KLHL1: variants seen among roughly 807,000 people sequenced by gnomAD.
KLHL1 encodes the protein kelch like family member 1.
A neutral mutation model predicts 77.7 loss-of-function variants in KLHL1; 47 were observed. The ratio of observed to expected loss-of-function variants is 0.60; its 90% CI spans 0.48 to 0.77. The LOEUF is 0.77. Among genes scored for constraint, KLHL1 ranks in the 30% least tolerant of loss-of-function variants. The pLI is 0.00. For missense variants in KLHL1, 925 were observed against 910.8 expected (o/e 1.02, Z -0.20); for synonymous variants, 360 against 325.2 (o/e 1.11, Z -1.15).
At chr13:70,063,832 G>T (rs1029370511) in intron 1 of KLHL1, among the ~76,000 whole-genome samples, 2 of 152,098 alleles carry the variant, frequency 1.3e-5, no homozygotes, top group Admixed American at 1.3e-4. Context: ...TGCTGCTTTG[G>T]AAAATAATTT....
chr13:69,974,413 A>T (rs1481039613), intron 2 of KLHL1, among the ~76,000 whole-genome samples: 1 of 151,658 alleles, frequency 6.6e-6, no homozygotes. Flanking sequence ...AATTTAGAAA[A>T]TAACTAATGT....
At chr13:69,875,924 T>A (rs978589712) in intron 5 of KLHL1, among the ~76,000 whole-genome samples, 2 of 152,092 alleles carry the variant, frequency 1.3e-5, no homozygotes, top group Non-Finnish European at 2.9e-5. Context: ...CCTGGTATAA[T>A]CATTAACTAA....
intron 1 of KLHL1, among the ~76,000 whole-genome samples, chr13:70,008,932 C>T (rs1885468037): frequency 6.6e-6 from 1 of 152,054 alleles, no homozygotes; most frequent in Non-Finnish European, 1.5e-5. Flanking sequence ...CAATACAATG[C>T]ACTTCTCTCT....
intron 1 of KLHL1, among the ~76,000 whole-genome samples, chr13:70,058,130 T>C (rs1372417057): frequency 1.3e-5 from 2 of 152,154 alleles, no homozygotes; most frequent in African/African-American, 2.4e-5. Flanking sequence ...ACAGGTAGTA[T>C]CATACTGAAT....
intron 1 of KLHL1, among the ~76,000 whole-genome samples, chr13:70,095,704 T>C (rs1203364969): frequency 2.0e-5 from 3 of 152,152 alleles, no homozygotes; most frequent in African/African-American, 7.2e-5. Context: ...TCCACTCTTT[T>C]AGTTATTTTG....
At chr13:69,930,085 C>T (rs183088592) in intron 4 of KLHL1, among the ~76,000 whole-genome samples, 2 of 151,800 alleles carry the variant, frequency 1.3e-5, no homozygotes, top group Admixed American at 1.3e-4. Context: ...ATCTCTTTTG[C>T]CTAGGTTTCC....
intron 1 of KLHL1, among the ~76,000 whole-genome samples, chr13:70,064,772 A>G (rs987575449): frequency 2.6e-5 from 4 of 152,192 alleles, no homozygotes; most frequent in African/African-American, 9.6e-5. Flanking sequence ...GCGATCCACG[A>G]CTAAGGACTA....
intron 3 of KLHL1, among the ~76,000 whole-genome samples, chr13:69,960,898 C>T (rs1884042179): frequency 6.6e-6 from 1 of 151,892 alleles, no homozygotes; most frequent in Non-Finnish European, 1.5e-5. Flanking sequence ...TTAACTATTC[C>T]GTGAAAATTT....
intron 7 of KLHL1, among the ~76,000 whole-genome samples, chr13:69,744,290 G>T (rs573790896): frequency 3.3e-5 from 5 of 152,064 alleles, no homozygotes; most frequent in Non-Finnish European, 7.4e-5. Flanking sequence ...AAGTTTCCAG[G>T]AGGATGGGCT....
intron 3 of KLHL1, among the ~76,000 whole-genome samples, chr13:69,952,169 C>T (rs1481390732): frequency 6.6e-6 from 1 of 151,386 alleles, no homozygotes; most frequent in African/African-American, 2.4e-5. Context: ...TGTCCTATTA[C>T]ATCGTTTTTG....
chr13:69,882,517 G>C, intron 4 of KLHL1, 22 bp from the exon 5 acceptor site: 1 of 1,542,750 alleles, frequency 6.5e-7, no homozygotes, highest in South Asian at 1.1e-5. Context: ...AAATATCTTG[G>C]CATAAATTCT....
In KLHL1 at chr13:69,962,382, G is replaced by A. The variant is rs758466128; in HGVS notation, c.681-938C>T. Reference sequence around the variant, plus strand: ...TGCTATTTCTTTTTACATTTAGGTAGATGACTACATCATCTGCAAGTTATA... The same window carrying A: ...TGCTATTTCTTTTTACATTTAGGTAAATGACTACATCATCTGCAAGTTATA... On this transcript the variant is annotated intron_variant, in intron 2 of 10. Transcript: ENST00000377844. Among the ~76,000 whole-genome samples, 90 of 151,988 alleles carry A rather than the reference G, an allele frequency of 5.9e-4. 2 individuals carry two copies. Among genetic ancestry groups the A allele is most frequent in the Non-Finnish European group, 6.9e-4 (47 of 67,964 alleles).
chr13:69,820,077 T>C (rs1878273224), intron 6 of KLHL1, among the ~76,000 whole-genome samples: 1 of 152,210 alleles, frequency 6.6e-6, no homozygotes, highest in African/African-American at 2.4e-5. Context: ...TGCTCCTTCA[T>C]GGGCTTGTAT....
At chr13:70,027,387 T>TG (rs1234118575) in intron 1 of KLHL1, among the ~76,000 whole-genome samples, 2 of 45,380 alleles carry the variant, frequency 4.4e-5, no homozygotes, top group Non-Finnish European at 1.4e-4. Context: ...AAGTGAATGT[T>TG]GTTTTTTTCC....
At chr13:69,885,322 G>A (rs1462701255) in intron 4 of KLHL1, among the ~76,000 whole-genome samples, 1 of 152,002 alleles carries the variant, frequency 6.6e-6, no homozygotes, top group East Asian at 1.9e-4. Context: ...AAATCTTTTG[G>A]TAACCAGCGG....
chr13:69,954,971 T>C (rs181117161), intron 3 of KLHL1, among the ~76,000 whole-genome samples: 1 of 151,224 alleles, frequency 6.6e-6, no homozygotes, highest in East Asian at 1.9e-4. Context: ...AAACACCCTC[T>C]GAAAATTGCT....
chr13:70,069,996 G>A (rs113575596), intron 1 of KLHL1, among the ~76,000 whole-genome samples: 11,114 of 151,730 alleles, frequency 0.073, 549 homozygotes, highest in Admixed American at 0.11. Context: ...GTGAAACCCC[G>A]TCTCCACTAA....
At chr13:69,733,331 T>C (rs973684633) in intron 8 of KLHL1, among the ~76,000 whole-genome samples, 2 of 152,102 alleles carry the variant, frequency 1.3e-5, no homozygotes, top group African/African-American at 4.8e-5. Flanking sequence ...AAGGCAGAGA[T>C]ATTAAATTAC....
intron 6 of KLHL1, among the ~76,000 whole-genome samples, chr13:69,798,468 A>G (rs1877227018): frequency 2.6e-5 from 4 of 152,178 alleles, no homozygotes. Context: ...TATTGCTAAA[A>G]TTATAGGTTC....
Sources: allele counts gnomAD v4.1 joint callset (sites outside exome capture counted in the v4.1 genomes callset), GRCh38; gene constraint gnomAD v4.1.1; transcripts MANE v1.5; gene names NCBI Gene and HGNC (gene_info 2026-07-23, HGNC 2026-07-21).